The following PRKCZ variants were observed in gnomAD, a reference collection of about 807,000 sequenced individuals.
PRKCZ encodes the protein protein kinase C zeta type.
In PRKCZ, 33 loss-of-function variants were observed where a neutral mutation model predicts 79.5. The observed-to-expected ratio is 0.41, with a 90% CI of 0.31 to 0.55. The LOEUF (loss-of-function observed/expected upper bound fraction) is 0.55. Among genes scored for constraint, PRKCZ ranks in the 20% least tolerant of loss-of-function variants. PRKCZ has a pLI of 0.19. For synonymous variants in PRKCZ, 342 were observed against 320.9 expected, an observed-to-expected ratio of 1.07 and a Z score of -0.70; for missense variants, 578 against 813.5, an observed-to-expected ratio of 0.71 and a Z score of 3.52.
chr1:2,148,999 A>G (rs1401965245), intron 8 of PRKCZ, 75 bp downstream of exon 8: 2 of 1,487,802 alleles, frequency 1.3e-6, no homozygotes, highest in Admixed American at 1.7e-5. Flanking sequence ...TGGGGTAGTC[A>G]CGGAAATCTA....
At chr1:2,118,594 C>A (rs1480568436) in intron 4 of PRKCZ, among the ~76,000 whole-genome samples, 1 of 152,144 alleles carries the variant, frequency 6.6e-6, no homozygotes, top group Non-Finnish European at 1.5e-5. Flanking sequence ...GCTTCGGCCT[C>A]CCAAAGTGCT....
At chr1:2,104,708 GGGTGGTCAGAACATCGCTC>G (rs1668066159) in intron 4 of PRKCZ, 1 of 985,740 alleles carries the variant, frequency 1.0e-6, no homozygotes, top group East Asian at 1.1e-4. Context: ...CCCTGGCGAG[GGGTGGTCAGAACATCGCTC>G]GGTGCCAGAC....
intron 4 of PRKCZ, among the ~76,000 whole-genome samples, chr1:2,106,856 G>A (rs12745694): frequency 0.01 from 622 of 60,928 alleles, no homozygotes; most frequent in South Asian, 0.018. Flanking sequence ...CAGGCCAGGC[G>A]ACTCTTCAGC....
At chr1:2,051,975 C>A (rs573308854) in intron 1 of PRKCZ, among the ~76,000 whole-genome samples, 2 of 152,280 alleles carry the variant, frequency 1.3e-5, no homozygotes, top group East Asian at 3.9e-4. Flanking sequence ...GACCGTCCAG[C>A]CCTACCTGAA....
Position 2,127,383 on chromosome 1 carries a change from G to T in PRKCZ, c.335-7879G>T, listed in dbSNP as rs1674128875. Among the ~76,000 whole-genome samples the T allele has an allele frequency of 6.6e-6, 1 of 152,060 alleles. No individual in the cohort carries two copies. The highest frequency in any genetic ancestry group is 1.5e-5 in the Non-Finnish European group (1 of 68,022). On this transcript the variant is annotated intron_variant, in intron 4 of 17. Transcript: ENST00000378567. This position sits in a 1 kb window ranked among gnomAD's most constrained non-coding sequence, Gnocchi z 5.1. ...GGCAGGTCCCTCAGATGGAGGGGCT[G>T]CACCTCCACTGCCCCCCCCACCGCC... is the stretch of plus-strand genomic sequence containing the variant.
chr1:2,048,806 C>T (rs1047003559), upstream of PRKCZ, among the ~76,000 whole-genome samples: 1 of 152,136 alleles, frequency 6.6e-6, no homozygotes. Flanking sequence ...ATTTAGGGAG[C>T]TGGAACCCGG....
At chr1:2,179,600 G>A (rs946298178) in intron 16 of PRKCZ, among the ~76,000 whole-genome samples, 1 of 152,254 alleles carries the variant, frequency 6.6e-6, no homozygotes, top group Non-Finnish European at 1.5e-5. Context: ...ATGGCCGGGC[G>A]GTGCTGCGCT....
At chr1:2,170,474 C>T (rs1297810318) in intron 11 of PRKCZ, among the ~76,000 whole-genome samples, 3 of 126,928 alleles carry the variant, frequency 2.4e-5, no homozygotes, top group Admixed American at 1.7e-4. Flanking sequence ...TCCCACAACG[C>T]TGTTTTTAAA....
At chr1:2,113,230 G>T (rs1281655365) in intron 4 of PRKCZ, among the ~76,000 whole-genome samples, 1 of 152,200 alleles carries the variant, frequency 6.6e-6, no homozygotes, top group East Asian at 1.9e-4. Flanking sequence ...TTAATGTAAG[G>T]TTTTAACGTA....
intron 4 of PRKCZ, among the ~76,000 whole-genome samples, chr1:2,129,450 G>T (rs1674544638): frequency 6.6e-6 from 1 of 152,112 alleles, no homozygotes; most frequent in South Asian, 2.1e-4. Context: ...AGGCAAGACG[G>T]TGACACGTGG....
chr1:2,118,750 TGTGTGA>T (rs1451606504), intron 4 of PRKCZ, among the ~76,000 whole-genome samples: 2,101 of 146,760 alleles, frequency 0.014, 61 homozygotes, highest in African/African-American at 0.049. Flanking sequence ...TGTGTGTGTG[TGTGTGA>T]GATGAGGGGA....
intron 4 of PRKCZ, among the ~76,000 whole-genome samples, chr1:2,108,105 C>CA (rs1412513544): frequency 6.6e-6 from 1 of 152,232 alleles, no homozygotes; most frequent in African/African-American, 2.4e-5. Flanking sequence ...TCAGGTAGCC[C>CA]AGGGCCCGCA....
At chr1:2,161,400 C>T (rs1246771599) in intron 10 of PRKCZ, among the ~76,000 whole-genome samples, 7 of 152,218 alleles carry the variant, frequency 4.6e-5, no homozygotes, top group South Asian at 2.1e-4. Flanking sequence ...ATTGCGAGGG[C>T]GTCCTGCACT....
At chr1:2,106,446 GGCGACTCTCAGCAAGCCCCTCCA>G (rs1571414935) in intron 4 of PRKCZ, among the ~76,000 whole-genome samples, 1 of 150,768 alleles carries the variant, frequency 6.6e-6, no homozygotes, top group African/African-American at 2.5e-5. Context: ...CGCCAGGCCA[GGCGACTCTCAGCAAGCCCCTCCA>G]GTGGGCGAGG....
chr1:2,085,342 T>C (rs1346902058), intron 4 of PRKCZ, among the ~76,000 whole-genome samples: 2 of 152,252 alleles, frequency 1.3e-5, no homozygotes, highest in African/African-American at 4.8e-5. Flanking sequence ...CTTTGTGCCC[T>C]GTGTTACCGG....
intron 4 of PRKCZ, among the ~76,000 whole-genome samples, chr1:2,079,451 C>T (rs1254922199): frequency 3.3e-5 from 5 of 152,224 alleles, no homozygotes; most frequent in Admixed American, 6.5e-5. Context: ...CTTAAGCCCA[C>T]GCTATTTGCC....
chr1:2,093,161 G>A (rs578172658), intron 4 of PRKCZ, among the ~76,000 whole-genome samples: 1 of 151,770 alleles, frequency 6.6e-6, no homozygotes, highest in East Asian at 1.9e-4. Context: ...TGGCGGGAGA[G>A]GAGGCAGATG....
At chr1:2,084,407 C>T (rs1364375240) in intron 4 of PRKCZ, among the ~76,000 whole-genome samples, 1 of 152,236 alleles carries the variant, frequency 6.6e-6, no homozygotes, top group South Asian at 2.1e-4. Context: ...CTTGCACTCG[C>T]GGCTCCCCTG....
At chr1:2,098,748 C>G (rs1225980071) in intron 4 of PRKCZ, among the ~76,000 whole-genome samples, 2 of 152,124 alleles carry the variant, frequency 1.3e-5, no homozygotes, top group African/African-American at 4.8e-5. Flanking sequence ...GTGGCGTGAT[C>G]TCGGCTCACT....
Sources: gnomAD v4.1 joint callset for allele counts (sites outside exome capture counted in the v4.1 genomes callset) on GRCh38, gnomAD v4.1.1 for gene constraint, Gnocchi (gnomAD v3.1) non-coding constraint, MANE v1.5 for transcripts, NCBI Gene and HGNC (gene_info 2026-07-23, HGNC 2026-07-21) for gene names.